IPMK: variants seen among roughly 807,000 people sequenced by gnomAD.
The protein encoded by IPMK is inositol 1,3,4,6-tetrakisphosphate 5-kinase.
A neutral mutation model predicts 45.8 loss-of-function variants in IPMK; 17 were observed. The observed-to-expected ratio is 0.37, with a 90% CI of 0.25 to 0.56. The LOEUF (loss-of-function observed/expected upper bound fraction) is 0.56. Ranked by LOEUF, IPMK falls within the 20% of genes least tolerant of loss-of-function variation. The probability of loss-of-function intolerance (pLI) is 0.79; values close to 1 mark genes in which losing one functional copy is unlikely to be tolerated. For synonymous variants in IPMK, 180 were observed against 184.3 expected (o/e 0.98, Z 0.19); for missense variants, 399 against 498.0 (o/e 0.80, Z 1.89).
intron 2 of IPMK, among the ~76,000 whole-genome samples, chr10:58,231,797 A>G (rs1161039482): frequency 6.6e-6 from 1 of 152,222 alleles, no homozygotes; most frequent in East Asian, 1.9e-4. Flanking sequence ...AGCGAACATC[A>G]TAATGACAGG....
At chr10:58,213,361 T>G (rs528981221) in intron 4 of IPMK, among the ~76,000 whole-genome samples, 1 of 152,272 alleles carries the variant, frequency 6.6e-6, no homozygotes, top group South Asian at 2.1e-4. Context: ...GATGTTAAAA[T>G]GGAACCAAGA....
Position 58,204,070 on chromosome 10 carries a change from A to G in IPMK, c.547-4749T>C, listed in dbSNP as rs922260944. On this transcript the variant is annotated intron_variant, in intron 4 of 5. Coordinates refer to ENST00000373935, the MANE Select transcript of IPMK (RefSeq NM_152230.5). ...AAGTATACACACTGTTTTTTAAAAA[A>G]ACATAATGCAACCAGGCACAGTGCC... Among the ~76,000 whole-genome samples, 6 of 152,178 alleles carry G rather than the reference A, an allele frequency of 3.9e-5. No homozygotes were observed. The East Asian group carries it at 1.2e-3, about 29-fold the overall frequency.
rs117849403 is a variant in IPMK at position 58,233,507 on chromosome 10, G to C, written c.276+4222C>G. ...GTTGGCTTCATCTCTGGGATGCAAA[G>C]CTGGTTTAACATACGCAAATCAATA... On this transcript the variant is annotated intron_variant, in intron 2 of 5. Transcript: ENST00000373935. Among the ~76,000 whole-genome samples the C allele has an allele frequency of 2.0e-4, 31 of 152,260 alleles. No individual in the cohort carries two copies. In the East Asian group the frequency reaches 5.8e-3, roughly 28 times the overall value.
chr10:58,248,620 C>T (rs980125940), intron 1 of IPMK, among the ~76,000 whole-genome samples: 7 of 151,900 alleles, frequency 4.6e-5, no homozygotes, highest in South Asian at 2.1e-4. Context: ...ATCACCCTAT[C>T]GTGCTATTAA....
At chr10:58,262,670 C>A (rs1423796322) in intron 1 of IPMK, among the ~76,000 whole-genome samples, 1 of 152,166 alleles carries the variant, frequency 6.6e-6, no homozygotes, top group African/African-American at 2.4e-5. Flanking sequence ...TCTAAAAAAT[C>A]TGTTATGACA....
At chr10:58,208,872 G>A (rs989379147) in intron 4 of IPMK, among the ~76,000 whole-genome samples, 1 of 152,204 alleles carries the variant, frequency 6.6e-6, no homozygotes, top group Admixed American at 6.5e-5. Context: ...ATACCCAATG[G>A]TGGGCCAAAG....
intron 1 of IPMK, among the ~76,000 whole-genome samples, chr10:58,238,846 TTG>T (rs1472807408): frequency 2.3e-5 from 3 of 132,674 alleles, no homozygotes; most frequent in African/African-American, 7.9e-5. Context: ...AGTTTGTTTT[TTG>T]TTTTTTTTTA....
chr10:58,255,623 T>C (rs1838954085), intron 1 of IPMK, among the ~76,000 whole-genome samples: 1 of 152,210 alleles, frequency 6.6e-6, no homozygotes. Flanking sequence ...CTTGATGATA[T>C]CACCATCTAG....
chr10:58,203,649 T>C (rs1482368232), intron 4 of IPMK, among the ~76,000 whole-genome samples: 3 of 151,898 alleles, frequency 2.0e-5, no homozygotes, highest in Non-Finnish European at 4.4e-5. Flanking sequence ...GCAAAGAAAG[T>C]GGTTTCTTGA....
intron 4 of IPMK, among the ~76,000 whole-genome samples, chr10:58,213,512 A>G (rs1406553568): frequency 2.0e-5 from 3 of 152,110 alleles, no homozygotes; most frequent in African/African-American, 7.2e-5. Context: ...GTGAAATCCC[A>G]TATCTACTAA....
At chr10:58,247,820 T>C (rs1291637159) in intron 1 of IPMK, among the ~76,000 whole-genome samples, 1 of 151,948 alleles carries the variant, frequency 6.6e-6, no homozygotes, top group Non-Finnish European at 1.5e-5. Context: ...AATAAATAAA[T>C]AAAAAAGAAT....
At chr10:58,221,591 C>T (rs1387427286) in intron 3 of IPMK, among the ~76,000 whole-genome samples, 1 of 152,106 alleles carries the variant, frequency 6.6e-6, no homozygotes, top group Non-Finnish European at 1.5e-5. Flanking sequence ...CAGGGTCTTA[C>T]TCTGTCACCC....
chr10:58,219,105 C>A (rs1838292555), intron 3 of IPMK, among the ~76,000 whole-genome samples: 1 of 152,306 alleles, frequency 6.6e-6, no homozygotes, highest in African/African-American at 2.4e-5. Flanking sequence ...TACCAAATAA[C>A]TGCTAAATTA....
At chr10:58,214,328 G>GA (rs1297364246) in intron 4 of IPMK, among the ~76,000 whole-genome samples, 2 of 152,164 alleles carry the variant, frequency 1.3e-5, no homozygotes, top group Admixed American at 1.3e-4. Flanking sequence ...CTGTTAGCAA[G>GA]AAATTAAGGG....
intron 2 of IPMK, among the ~76,000 whole-genome samples, chr10:58,231,438 G>A (rs1385427719): frequency 3.3e-5 from 5 of 152,186 alleles, no homozygotes; most frequent in African/African-American, 1.2e-4. Context: ...GAAAGGTTGA[G>A]TTACCCACAA....
intron 4 of IPMK, among the ~76,000 whole-genome samples, chr10:58,208,428 G>C (rs1483632925): frequency 2.6e-5 from 4 of 152,098 alleles, no homozygotes; most frequent in Admixed American, 2.6e-4. Flanking sequence ...ACCAGAATTA[G>C]TTTTCTAATT....
intron 1 of IPMK, among the ~76,000 whole-genome samples, chr10:58,259,556 G>C (rs1311716909): frequency 1.3e-5 from 2 of 151,810 alleles, no homozygotes; most frequent in Admixed American, 1.3e-4. Flanking sequence ...ATGAGGGCTG[G>C]GCAGAATGGC....
chr10:58,202,607 G>C (rs1838013213), intron 4 of IPMK, among the ~76,000 whole-genome samples: 1 of 152,182 alleles, frequency 6.6e-6, no homozygotes, highest in Admixed American at 6.5e-5. Context: ...GGGGGCTGCA[G>C]TGAGCTATGA....
At chr10:58,237,140 C>T (rs1018455944) in intron 2 of IPMK, among the ~76,000 whole-genome samples, 10 of 152,172 alleles carry the variant, frequency 6.6e-5, no homozygotes, top group African/African-American at 2.2e-4. Context: ...CACCCTTCTC[C>T]ACCCAAGAGG....
Sources: gnomAD v4.1 joint callset for allele counts (sites outside exome capture counted in the v4.1 genomes callset) on GRCh38, gnomAD v4.1.1 for gene constraint, MANE v1.5 for transcripts, NCBI Gene and HGNC (gene_info 2026-07-23, HGNC 2026-07-21) for gene names.